B4GALT6: variants seen among roughly 807,000 people sequenced by gnomAD.
The protein encoded by B4GALT6 is beta-1,4-galactosyltransferase 6, also known as UDP-Gal:beta-GlcNAc beta-1,4-galactosyltransferase 6.
In B4GALT6, 14 loss-of-function variants were observed where a neutral mutation model predicts 46.3. The observed-to-expected ratio is 0.30, with a 90% CI of 0.20 to 0.47. B4GALT6 has a LOEUF of 0.47. Among genes scored for constraint, B4GALT6 ranks in the 20% least tolerant of loss-of-function variants. B4GALT6 has a pLI of 0.99. For synonymous variants in B4GALT6, 168 were observed against 162.0 expected, an observed-to-expected ratio of 1.04 and a Z score of -0.28; for missense variants, 386 against 480.1, an observed-to-expected ratio of 0.80 and a Z score of 1.83.
Position 31,626,935 on chromosome 18 carries a change from A to C in B4GALT6, c.899+64T>G, listed in dbSNP as rs894030406. The C allele has an allele frequency of 1.7e-5, 24 of 1,419,946 alleles. No homozygotes were observed. The African/African-American group carries it at 2.9e-4, about 17-fold the overall frequency. The allele number at this position is 1,419,946 out of a possible 1,614,324, so 88.0% of individuals were successfully genotyped here. ...GTTCTTGGAATGGATAAGTACTACA[A>C]TTTACCTAATATAAATAAGATTTAT... On this transcript the variant is annotated intron_variant, in intron 7 of 8. Transcript: ENST00000306851.
intron 2 of B4GALT6, among the ~76,000 whole-genome samples, chr18:31,662,260 A>G (rs1034246855): frequency 2.6e-5 from 4 of 152,074 alleles, no homozygotes; most frequent in African/African-American, 4.8e-5. Flanking sequence ...ATTCTTGGCC[A>G]CCTCCTAAGG....
At chr18:31,644,447 G>A (rs1185115473) in intron 4 of B4GALT6, among the ~76,000 whole-genome samples, 1 of 151,770 alleles carries the variant, frequency 6.6e-6, no homozygotes, top group Non-Finnish European at 1.5e-5. Context: ...GGTTTTTTTT[G>A]GGGGTGGGGG....
rs937810198 is a variant in B4GALT6, at chr18:31,622,745, A to T, written c.*2869T>A. On this transcript the variant is annotated 3_prime_UTR_variant, in exon 9 of 9. Coordinates refer to ENST00000306851, the MANE Select transcript of B4GALT6 (RefSeq NM_004775.5). ...AACTTTTCACAAAAACAAAAACTTA[A>T]ATGTAGATTTAAAAAATACTCATAA... 3.3e-5 allele frequency: 5 copies of T among 152,104 alleles called. No individual in the cohort carries two copies. The highest frequency in any genetic ancestry group is 2.1e-4 in the South Asian group (1 of 4,832). The allele number at this position is 152,104 out of a possible 1,614,324, so 9.4% of individuals were successfully genotyped here. A position where few individuals can be genotyped will look rare whatever the true frequency, so the allele number is the denominator to read the frequency against.
Position 31,646,177 on chromosome 18 carries a change from A to G in B4GALT6, c.347-698T>C, listed in dbSNP as rs182768331. On this transcript the variant is annotated intron_variant, in intron 3 of 8. Transcript: ENST00000306851. ...AGTACTGATTCTGAGCACTTACCAT[A>G]TATCAGGCCCCTTGGCATACAAAAC... Among the ~76,000 whole-genome samples the G allele has an allele frequency of 5.4e-4, 82 of 152,356 alleles. No homozygotes were observed. The South Asian group carries it at 0.011, about 20-fold the overall frequency.
chr18:31,639,175 G>A (rs2073899732), intron 4 of B4GALT6, among the ~76,000 whole-genome samples: 4 of 152,140 alleles, frequency 2.6e-5, no homozygotes, highest in Admixed American at 1.3e-4. Flanking sequence ...ACTAACAGGA[G>A]GATAAAGGAG....
At chr18:31,700,663 A>G in the B4GALT6 span, among the ~76,000 whole-genome samples, 1 of 151,976 alleles carries the variant, frequency 6.6e-6, no homozygotes, top group African/African-American at 2.4e-5. Flanking sequence ...TCACCGTGTT[A>G]GCCAGGATAG....
intron 5 of B4GALT6, among the ~76,000 whole-genome samples, chr18:31,636,617 T>C (rs1423359056): frequency 6.6e-6 from 1 of 152,110 alleles, no homozygotes; most frequent in Admixed American, 6.5e-5. Flanking sequence ...TGTAAAGCAA[T>C]TGGAAAGGTC....
chr18:31,678,634 T>C (rs944307723), intron 1 of B4GALT6, among the ~76,000 whole-genome samples: 4 of 152,206 alleles, frequency 2.6e-5, no homozygotes, highest in African/African-American at 9.7e-5. Context: ...CCTTCTCTCA[T>C]TTCACAGACA....
At chr18:31,703,700 T>A in the B4GALT6 span, among the ~76,000 whole-genome samples, 1 of 152,208 alleles carries the variant, frequency 6.6e-6, no homozygotes, top group South Asian at 2.1e-4. Context: ...GCCTAATAGC[T>A]GATGCTTTGA....
intron 3 of B4GALT6, among the ~76,000 whole-genome samples, chr18:31,646,312 C>T (rs1018857342): frequency 1.3e-5 from 2 of 152,118 alleles, no homozygotes; most frequent in Admixed American, 6.5e-5. Context: ...CTAATGTATA[C>T]CATTGAAACA....
chr18:31,724,246 C>T, the B4GALT6 span: 61 of 346,494 alleles, frequency 1.8e-4, no homozygotes, highest in African/African-American at 1.2e-3. Flanking sequence ...GCTCAGTGCG[C>T]GGCGCCAGCG....
At chr18:31,645,921 C>T (rs1303534319) in intron 3 of B4GALT6, among the ~76,000 whole-genome samples, 1 of 152,154 alleles carries the variant, frequency 6.6e-6, no homozygotes, top group African/African-American at 2.4e-5. Context: ...GAACTGATTC[C>T]TAGCTTCTGT....
At chr18:31,690,029 A>G (rs1226703785), upstream of B4GALT6, among the ~76,000 whole-genome samples, 1 of 152,226 alleles carries the variant, frequency 6.6e-6, no homozygotes, top group Non-Finnish European at 1.5e-5. Context: ...GTGCATCTTT[A>G]TTAAAAGGAT....
intron 1 of B4GALT6, among the ~76,000 whole-genome samples, chr18:31,680,309 T>G (rs1221883667): frequency 6.6e-6 from 1 of 152,200 alleles, no homozygotes; most frequent in African/African-American, 2.4e-5. Context: ...AGCTACCTTC[T>G]GTGCTAGCCC....
the B4GALT6 span, among the ~76,000 whole-genome samples, chr18:31,708,449 C>T: frequency 6.6e-6 from 1 of 152,108 alleles, no homozygotes; most frequent in African/African-American, 2.4e-5. Flanking sequence ...CCTCTAGTCC[C>T]AGCTACTTGG....
chr18:31,665,431 A>G (rs1396526179), intron 2 of B4GALT6, among the ~76,000 whole-genome samples: 1 of 152,198 alleles, frequency 6.6e-6, no homozygotes, highest in Admixed American at 6.5e-5. Flanking sequence ...TTCTACTTCC[A>G]GGTAACATTT....
chr18:31,697,560 G>A, the B4GALT6 span, among the ~76,000 whole-genome samples: 2 of 152,114 alleles, frequency 1.3e-5, no homozygotes, highest in Non-Finnish European at 2.9e-5. Context: ...GTACACTCTC[G>A]TTATCTCTCC....
Position 31,625,762 on chromosome 18 carries a change from C to T in B4GALT6, c.1002-1G>A. The T allele has an allele frequency of 6.4e-7, 1 of 1,572,472 alleles. No individual in the cohort carries two copies. The highest frequency in any genetic ancestry group is 8.6e-7 in the Non-Finnish European group (1 of 1,166,498). On this transcript the variant is annotated splice_acceptor_variant, in intron 8 of 8. Coordinates refer to ENST00000306851, the MANE Select transcript of B4GALT6 (RefSeq NM_004775.5). LOFTEE classifies it high-confidence loss of function. The stretch of plus-strand genomic sequence containing the variant: ...CTTGGAATACCTTAGTAATTTATAC[C>T]TATAGTTTTAGAGGAAAAAACAAAA...
At chr18:31,702,696 A>G in the B4GALT6 span, among the ~76,000 whole-genome samples, 1 of 152,234 alleles carries the variant, frequency 6.6e-6, no homozygotes, top group African/African-American at 2.4e-5. Context: ...CACAAATACC[A>G]TAAATGGAAG....
Sources: gnomAD v4.1 joint callset for allele counts (sites outside exome capture counted in the v4.1 genomes callset) on GRCh38, gnomAD v4.1.1 for gene constraint, MANE v1.5 for transcripts, NCBI Gene and HGNC (gene_info 2026-07-23, HGNC 2026-07-21) for gene names.